Variants in ZNF45 observed in about 807,000 individuals in gnomAD.
ZNF45 encodes zinc finger protein 45.
In ZNF45, 4 loss-of-function variants were observed where a neutral mutation model predicts 12.0. That is an observed-to-expected ratio of 0.33 (90% CI 0.16 to 0.76). The LOEUF is 0.76. ZNF45 is among the 30% of genes least tolerant of loss of function. The probability of loss-of-function intolerance (pLI) is 0.60; values close to 1 mark genes in which losing one functional copy is unlikely to be tolerated. For synonymous variants in ZNF45, 272 were observed against 279.6 expected (o/e 0.97, Z 0.27); for missense variants, 700 against 813.0 (o/e 0.86, Z 1.69).
intron 3 of ZNF45, among the ~76,000 whole-genome samples, chr19:43,928,587 C>G (rs978849420): frequency 1.3e-5 from 2 of 152,180 alleles, no homozygotes; most frequent in Non-Finnish European, 2.9e-5. Context: ...CTGCTGGTCC[C>G]TAAATTACAA....
At chr19:43,920,597 T>TG (rs1487174035) in intron 7 of ZNF45, among the ~76,000 whole-genome samples, 2 of 81,614 alleles carry the variant, frequency 2.5e-5, no homozygotes, top group African/African-American at 3.6e-5. Context: ...CATATCGTAT[T>TG]GGTTTTTTTT....
In ZNF45 at chr19:43,931,533, C is replaced by CA. The variant is rs879367871; in HGVS notation, c.-400+1070dup. Among the ~76,000 whole-genome samples, 192 of 132,044 alleles carry CA rather than the reference C, an allele frequency of 1.5e-3. 1 individual carries two copies. Among genetic ancestry groups the CA allele is most frequent in the Middle Eastern group, 7.8e-3 (2 of 258 alleles). 86.6% of individuals were successfully genotyped at this position (132,044 alleles called of 152,430 possible). ...TGGGCAACAGAGTAAGACTCTGTCT[C>CA]AAAAAAAAAAAATGTATACATATAT... On this transcript the variant is annotated intron_variant, in intron 3 of 9. Transcript: ENST00000269973.
At chr19:43,924,669 A>C (rs1973519207) in intron 4 of ZNF45, 108 bp from the exon 5 acceptor site, 1 of 152,254 alleles carries the variant, frequency 6.6e-6, no homozygotes, top group South Asian at 2.1e-4. Context: ...TTGGACTCTG[A>C]AGCCAAGGGA....
chr19:43,921,368 C>G (rs1049572036), intron 7 of ZNF45, among the ~76,000 whole-genome samples: 1 of 152,070 alleles, frequency 6.6e-6, no homozygotes, highest in Non-Finnish European at 1.5e-5. Flanking sequence ...ATTATTACTT[C>G]AATAAAATAA....
At chr19:43,918,206 C>A (rs450308) in intron 9 of ZNF45, among the ~76,000 whole-genome samples, 73,856 of 151,970 alleles carry the variant, frequency 0.49, 18,853 homozygotes, top group East Asian at 0.81. Flanking sequence ...CTGCCTAAAA[C>A]GTGGCTATGA....
intron 2 of ZNF45, among the ~76,000 whole-genome samples, chr19:43,934,023 T>A (rs1974334010): frequency 6.6e-6 from 1 of 152,234 alleles, no homozygotes; most frequent in African/African-American, 2.4e-5. Context: ...ATTATTTATA[T>A]GGATCATTTA....
At position 43,913,573 on chromosome 19, in the gene ZNF45, G is replaced by A. The variant is rs145455406; in HGVS notation, c.1863C>T (p.Phe621=). 3 of 1,613,726 alleles carry A rather than the reference G, an allele frequency of 1.9e-6. No homozygotes were observed. In the African/African-American group the frequency reaches 4.0e-5, roughly 22 times the overall value. Reference sequence around the variant, plus strand: ...GGGCTTGAAGGTATGAGCTCCAGCTGAAGACTTTCCCACATTCCTCACATT... The same window carrying A: ...GGGCTTGAAGGTATGAGCTCCAGCTAAAGACTTTCCCACATTCCTCACATT... ...PYKCEECGKV[F]SWSSYLQAHQ... is the part of the protein sequence containing the mutation. Residue 621 remains phenylalanine (F), a synonymous_variant, in exon 10 of 10, where the codon TTC becomes TTT. Transcript: ENST00000269973.
intron 7 of ZNF45, among the ~76,000 whole-genome samples, chr19:43,921,319 T>C (rs1343438172): frequency 6.6e-6 from 1 of 152,226 alleles, no homozygotes; most frequent in African/African-American, 2.4e-5. Context: ...AAGTATCTGG[T>C]AAGTCCTCTT....
At position 43,914,583 on chromosome 19, in the gene ZNF45, A is replaced by G; in HGVS notation, c.853T>C (p.Phe285Leu). The change falls in exon 10 of 10, where the codon TTC becomes CTC. Residue 285 changes from phenylalanine (F) to leucine (L), a missense_variant. By Grantham distance (22) the Phe-to-Leu change is conservative. Transcript: ENST00000269973. The stretch of plus-strand genomic sequence containing the variant: ...ACTTGAAGATATGATCTCTGACTGA[A>G]GCCCACCCCACACTCCTCACATTTA... The part of the protein sequence containing the change: ...PYKCEECGVG[F>L]SQRSYLQVHL... 1.2e-6 allele frequency: 2 copies of G among 1,613,720 alleles called. No homozygotes were observed. The highest frequency in any genetic ancestry group is 1.7e-6 in the Non-Finnish European group (2 of 1,179,840).
At chr19:43,917,180 G>A (rs1599766558) in intron 9 of ZNF45, among the ~76,000 whole-genome samples, 1 of 152,164 alleles carries the variant, frequency 6.6e-6, no homozygotes, top group African/African-American at 2.4e-5. Flanking sequence ...GACGTGTTTT[G>A]TAAGCAAGAA....
chr19:43,929,738 T>C lies in ZNF45; in HGVS notation c.-400+2866A>G, dbSNP rs1256373747. Among the ~76,000 whole-genome samples the C allele has an allele frequency of 2.0e-5, 3 of 152,178 alleles. No homozygotes were observed. In the East Asian group the frequency reaches 5.8e-4, roughly 29 times the overall value. The stretch of plus-strand genomic sequence containing the variant: ...GGTCCTCCACATAACAGGTTTTGCC[T>C]CCCTGCCAGCCTGTAGAATTATCCA... On this transcript the variant is annotated intron_variant, in intron 3 of 9. Transcript: ENST00000269973.
chr19:43,915,760 C>G (rs563421886), intron 9 of ZNF45, among the ~76,000 whole-genome samples: 2 of 152,266 alleles, frequency 1.3e-5, no homozygotes, highest in East Asian at 1.9e-4. Context: ...TGAGGTAGAA[C>G]AGTTTCATTT....
At chr19:43,928,567 G>A (rs1202465717) in intron 3 of ZNF45, among the ~76,000 whole-genome samples, 1 of 152,214 alleles carries the variant, frequency 6.6e-6, no homozygotes, top group African/African-American at 2.4e-5. Context: ...TATCCCAGGT[G>A]ATGCTAATGC....
intron 6 of ZNF45, among the ~76,000 whole-genome samples, chr19:43,922,599 T>A (rs956487723): frequency 6.6e-6 from 1 of 152,160 alleles, no homozygotes; most frequent in Non-Finnish European, 1.5e-5. Context: ...TTATTCGCTA[T>A]GAAATCCAGG....
Position 43,913,334 on chromosome 19 carries a change from T to C in ZNF45, c.*53A>G. Reference sequence around the variant, plus strand: ...TATAAAACAAATGTTTTGTCTATGATAGCTCTGATTATTAAAATATTTCAG... The same window carrying C: ...TATAAAACAAATGTTTTGTCTATGACAGCTCTGATTATTAAAATATTTCAG... On this transcript the variant is annotated 3_prime_UTR_variant, in exon 10 of 10. Coordinates refer to ENST00000269973, the MANE Select transcript of ZNF45 (RefSeq NM_003425.4). 2.6e-6 allele frequency: 4 copies of C among 1,515,514 alleles called. No homozygotes were observed. In the African/African-American group the frequency reaches 4.2e-5, roughly 16 times the overall value. 93.9% of individuals were successfully genotyped at this position (1,515,514 alleles called of 1,614,324 possible).
Position 43,913,368 on chromosome 19 carries a change from TGA to T in ZNF45, c.*17_*18del. On this transcript the variant is annotated 3_prime_UTR_variant, in exon 10 of 10. Transcript: ENST00000269973. ...TTATTAAAATATTTCAGCACCCATC[TGA>T]GATAGTAAAACATATTTTATCGAGT... 3 of 1,523,520 alleles carry T rather than the reference TGA, an allele frequency of 2.0e-6. No homozygotes were observed. Among genetic ancestry groups the T allele is most frequent in the Non-Finnish European group, 2.6e-6 (3 of 1,137,074 alleles). The allele number at this position is 1,523,520 out of a possible 1,614,324, so 94.4% of individuals were successfully genotyped here. A position where few individuals can be genotyped will look rare whatever the true frequency, so the allele number is the denominator to read the frequency against.
chr19:43,919,645 G>A lies in ZNF45; in HGVS notation c.70C>T (p.Leu24=). 1 of 1,613,312 alleles carries A rather than the reference G, an allele frequency of 6.2e-7. No homozygotes were observed. The highest frequency in any genetic ancestry group is 8.5e-7 in the Non-Finnish European group (1 of 1,179,490). The change falls in exon 8 of 10, where the codon CTG becomes TTG. Residue 24 remains leucine, a synonymous_variant. Transcript: ENST00000269973. ...AGCTTCCTCTGGGCAAGGTCCAGCAGTTGCAGCTCCTCCTCAGAGAAGACC... is the reference window on the plus strand; with the variant it reads ...AGCTTCCTCTGGGCAAGGTCCAGCAATTGCAGCTCCTCCTCAGAGAAGACC... ...AVVFSEEELQ[L]LDLAQRKLYR...
At position 43,914,571 on chromosome 19, in the gene ZNF45, ATC is replaced by A; in HGVS notation, c.863_864del (p.Arg288IlefsTer17). On this transcript the variant is annotated frameshift_variant, in exon 10 of 10. Coordinates refer to ENST00000269973, the MANE Select transcript of ZNF45 (RefSeq NM_003425.4). LOFTEE classifies it low-confidence loss of function (END_TRUNC). ...CEECGVGFSQRSYLQVHLKVH... is the reference protein window; with the variant it reads ...CEECGVGFSQXSYLQVHLKVH... The stretch of plus-strand genomic sequence containing the variant: ...ACTTTCAGATGAACTTGAAGATATG[ATC>A]TCTGACTGAAGCCCACCCCACACTC... The A allele has an allele frequency of 6.2e-7, 1 of 1,612,594 alleles. No individual in the cohort carries two copies. The highest frequency in any genetic ancestry group is 1.1e-5 in the South Asian group (1 of 91,026).
At position 43,922,180 on chromosome 19, in the gene ZNF45, C is replaced by G. The variant is rs551378009; in HGVS notation, c.6G>C (p.Thr2=). ...GGGAGGTCCAACTCACCTTAGACTTCGTCATTTTGTCCTCCTCCTTCTGGA... is the reference window on the plus strand; with the variant it reads ...GGGAGGTCCAACTCACCTTAGACTTGGTCATTTTGTCCTCCTCCTTCTGGA... M[T]KSKEAVTFKD... The change falls in exon 7 of 10, where the codon ACG becomes ACC. Residue 2 remains threonine (T), a synonymous_variant. Coordinates refer to ENST00000269973, the MANE Select transcript of ZNF45 (RefSeq NM_003425.4). 2 of 1,609,374 alleles carry G rather than the reference C, an allele frequency of 1.2e-6. No homozygotes were observed. The highest frequency in any genetic ancestry group is 1.7e-6 in the Non-Finnish European group (2 of 1,176,944).
Sources: gnomAD v4.1 joint callset for allele counts (sites outside exome capture counted in the v4.1 genomes callset) on GRCh38, gnomAD v4.1.1 for gene constraint, MANE v1.5 for transcripts, NCBI Gene and HGNC (gene_info 2026-07-23, HGNC 2026-07-21) for gene names.